ETV6: variants seen among roughly 807,000 people sequenced by gnomAD.
ETV6 encodes transcription factor ETV6.
ETV6 carries 16 observed loss-of-function variants against 51.1 expected under a neutral mutation model. That is an observed-to-expected ratio of 0.31 (90% confidence interval 0.21 to 0.48). The LOEUF is 0.48. Among genes scored for constraint, ETV6 ranks in the 20% least tolerant of loss-of-function variants. ETV6 has a pLI of 0.99. For synonymous variants in ETV6, 240 were observed against 224.1 expected, an observed-to-expected ratio of 1.07 and a Z score of -0.64; for missense variants, 458 against 594.8, an observed-to-expected ratio of 0.77 and a Z score of 2.39.
At chr12:11,833,184 T>C (rs1946268322) in intron 2 of ETV6, among the ~76,000 whole-genome samples, 1 of 152,252 alleles carries the variant, frequency 6.6e-6, no homozygotes, top group African/African-American at 2.4e-5. Flanking sequence ...CAATAGCTAA[T>C]GTTTTTTAAG....
chr12:11,714,445 C>G (rs1865232173), intron 1 of ETV6, among the ~76,000 whole-genome samples: 1 of 152,118 alleles, frequency 6.6e-6, no homozygotes, highest in Admixed American at 6.5e-5. Context: ...ACGCAGCCTG[C>G]CTTCTTCTCT....
intron 5 of ETV6, among the ~76,000 whole-genome samples, chr12:11,871,078 C>T (rs889045781): frequency 4.6e-5 from 7 of 152,266 alleles, no homozygotes; most frequent in South Asian, 4.1e-4. Flanking sequence ...ATGCCCCCTC[C>T]TCCCTGAGCC....
chr12:11,850,325 A>G (rs1946532128), intron 3 of ETV6, among the ~76,000 whole-genome samples: 1 of 151,994 alleles, frequency 6.6e-6, no homozygotes, highest in Non-Finnish European at 1.5e-5. Context: ...CACGTGTCAG[A>G]CCCCCAGAGG....
At chr12:11,730,491 G>A (rs1036687509) in intron 1 of ETV6, among the ~76,000 whole-genome samples, 5 of 152,244 alleles carry the variant, frequency 3.3e-5, no homozygotes, top group Non-Finnish European at 7.3e-5. Context: ...AAGGAAGCCT[G>A]TGCAAAGGCA....
chr12:11,655,236 A>G (rs1243964081), intron 1 of ETV6, among the ~76,000 whole-genome samples: 1 of 152,160 alleles, frequency 6.6e-6, no homozygotes, highest in African/African-American at 2.4e-5. Flanking sequence ...TGTTTGTTCT[A>G]TGTGAATACT....
chr12:11,861,470 T>C (rs1473940650), intron 4 of ETV6, among the ~76,000 whole-genome samples: 1 of 151,738 alleles, frequency 6.6e-6, no homozygotes, highest in Non-Finnish European at 1.5e-5. Flanking sequence ...GAGACCCTCT[T>C]TGCATCTGTC....
At chr12:11,878,289 A>C (rs993135920) in intron 5 of ETV6, among the ~76,000 whole-genome samples, 2 of 152,206 alleles carry the variant, frequency 1.3e-5, no homozygotes, top group African/African-American at 4.8e-5. Flanking sequence ...TAAAAGATAA[A>C]AAAACATCAA....
At chr12:11,779,096 G>A (rs1383439269) in intron 2 of ETV6, among the ~76,000 whole-genome samples, 1 of 152,150 alleles carries the variant, frequency 6.6e-6, no homozygotes, top group Non-Finnish European at 1.5e-5. Flanking sequence ...ATAGATTTGG[G>A]CTTCGACCAA....
At chr12:11,810,113 C>T (rs775454832) in intron 2 of ETV6, among the ~76,000 whole-genome samples, 3 of 152,148 alleles carry the variant, frequency 2.0e-5, no homozygotes, top group Non-Finnish European at 4.4e-5. Flanking sequence ...GCCACCGCAC[C>T]TGGCTGGAAT....
chr12:11,654,625 G>A (rs533746968), intron 1 of ETV6, among the ~76,000 whole-genome samples: 1 of 152,266 alleles, frequency 6.6e-6, no homozygotes, highest in Admixed American at 6.5e-5. Flanking sequence ...CTGGGGTCTG[G>A]TCAGGTGTGA....
intron 2 of ETV6, among the ~76,000 whole-genome samples, chr12:11,790,476 G>T (rs1192526513): frequency 6.6e-6 from 1 of 151,972 alleles, no homozygotes; most frequent in Non-Finnish European, 1.5e-5. Flanking sequence ...TTTGTCTTTG[G>T]CTGCTTAGAT....
intron 1 of ETV6, among the ~76,000 whole-genome samples, chr12:11,667,198 G>A (rs1864210796): frequency 6.6e-6 from 1 of 152,208 alleles, no homozygotes. Flanking sequence ...GAGGAAGGCC[G>A]ATGGATAGTA....
At chr12:11,721,739 A>G (rs1485121880) in intron 1 of ETV6, among the ~76,000 whole-genome samples, 1 of 152,254 alleles carries the variant, frequency 6.6e-6, no homozygotes, top group Non-Finnish European at 1.5e-5. Flanking sequence ...TCTAGAATTA[A>G]GCAAGGTAAT....
chr12:11,680,541 T>TA (rs1383697102), intron 1 of ETV6, among the ~76,000 whole-genome samples: 8 of 152,220 alleles, frequency 5.3e-5, no homozygotes, highest in Non-Finnish European at 1.0e-4. Context: ...TCAGCCCTAA[T>TA]ACACTGATTT....
intron 1 of ETV6, among the ~76,000 whole-genome samples, chr12:11,732,607 G>A (rs942312197): frequency 6.6e-6 from 1 of 152,110 alleles, no homozygotes; most frequent in African/African-American, 2.4e-5. Flanking sequence ...ATCGTGCACT[G>A]TGTCGTTTGA....
chr12:11,725,457 A>G (rs756384674), intron 1 of ETV6, among the ~76,000 whole-genome samples: 1 of 152,190 alleles, frequency 6.6e-6, no homozygotes, highest in Non-Finnish European at 1.5e-5. Flanking sequence ...TTGAAGGTCT[A>G]TCTCAAAGGC....
intron 1 of ETV6, among the ~76,000 whole-genome samples, chr12:11,750,284 T>G: frequency 6.6e-6 from 1 of 152,174 alleles, no homozygotes; most frequent in East Asian, 1.9e-4. Context: ...ACTTTCAGGG[T>G]AATAGCTAGC....
intron 2 of ETV6, among the ~76,000 whole-genome samples, chr12:11,784,862 ATTTTTTTT>A (rs34004409): frequency 7.2e-4 from 62 of 85,756 alleles, no homozygotes; most frequent in Middle Eastern, 6.2e-3. Flanking sequence ...TGCCTTGCTA[ATTTTTTTT>A]TTTTTTTTTT....
At chr12:11,776,977 G>A (rs1392941807) in intron 2 of ETV6, among the ~76,000 whole-genome samples, 5 of 152,154 alleles carry the variant, frequency 3.3e-5, no homozygotes, top group Non-Finnish European at 5.9e-5. Flanking sequence ...AGTGGCTCAC[G>A]CCTGTAATCC....
Sources: allele counts gnomAD v4.1 joint callset (sites outside exome capture counted in the v4.1 genomes callset), GRCh38; gene constraint gnomAD v4.1.1; transcripts MANE v1.5; gene names NCBI Gene and HGNC (gene_info 2026-07-23, HGNC 2026-07-21).